The following CYFIP2 variants were observed in gnomAD, a reference collection of about 807,000 sequenced individuals.
CYFIP2 encodes cytoplasmic FMR1-interacting protein 2.
Under a neutral mutation model 158.7 loss-of-function variants are expected in CYFIP2, and 29 were observed. The ratio of observed to expected loss-of-function variants is 0.18; its 90% CI spans 0.14 to 0.25. The LOEUF (loss-of-function observed/expected upper bound fraction) is 0.25. Among genes scored for constraint, CYFIP2 ranks in the 10% least tolerant of loss-of-function variants. The pLI is 1.00. For missense variants in CYFIP2, 852 were observed against 1,639.5 expected (o/e 0.52, Z 8.29); for synonymous variants, 585 against 617.6 (o/e 0.95, Z 0.78).
intron 23 of CYFIP2, among the ~76,000 whole-genome samples, chr5:157,346,003 C>G (rs1762661248): frequency 6.6e-6 from 1 of 152,216 alleles, no homozygotes; most frequent in African/African-American, 2.4e-5. Flanking sequence ...CAGTAATATT[C>G]ATCTTCATCC....
At chr5:157,363,428 A>T (rs910376847) in intron 26 of CYFIP2, 1 of 152,374 alleles carries the variant, frequency 6.6e-6, no homozygotes, top group African/African-American at 2.4e-5. Flanking sequence ...GGGAACGAGC[A>T]AAGTCGTAAC....
chr5:157,287,209 G>C (rs1580976424), intron 3 of CYFIP2, 101 bp downstream of exon 3: 1 of 863,906 alleles, frequency 1.2e-6, no homozygotes, highest in East Asian at 2.7e-5. Flanking sequence ...GCTACTCTAA[G>C]AACCCCCTGC....
At chr5:157,333,556 G>C in intron 21 of CYFIP2, 110 bp downstream of exon 21, 2 of 1,438,072 alleles carry the variant, frequency 1.4e-6, no homozygotes, top group African/African-American at 1.4e-5. Flanking sequence ...GGGGCAGTGA[G>C]TCTCTTTCCC....
chr5:157,377,999 TA>T (rs1765655270), intron 26 of CYFIP2, among the ~76,000 whole-genome samples: 1 of 152,200 alleles, frequency 6.6e-6, no homozygotes, highest in Non-Finnish European at 1.5e-5. Flanking sequence ...GGTAAGTTTT[TA>T]AAAAGCAAAG....
chr5:157,337,782 T>C (rs1435336097), intron 21 of CYFIP2, among the ~76,000 whole-genome samples: 1 of 152,276 alleles, frequency 6.6e-6, no homozygotes, highest in Non-Finnish European at 1.5e-5. Context: ...GCCTTGCCGA[T>C]GTTCTTTTAG....
intron 23 of CYFIP2, chr5:157,343,597 A>G: frequency 2.2e-6 from 3 of 1,346,496 alleles, no homozygotes; most frequent in Middle Eastern, 1.9e-4. Flanking sequence ...GTATGTATTT[A>G]TCATAATCAT....
chr5:157,351,949 C>T (rs1763101159), intron 23 of CYFIP2, among the ~76,000 whole-genome samples: 1 of 152,132 alleles, frequency 6.6e-6, no homozygotes, highest in Non-Finnish European at 1.5e-5. Context: ...TGAACAGGCC[C>T]TACTCTGGAG....
At chr5:157,316,961 G>A (rs1484607116) in intron 13 of CYFIP2, among the ~76,000 whole-genome samples, 1 of 151,998 alleles carries the variant, frequency 6.6e-6, no homozygotes, top group African/African-American at 2.4e-5. Context: ...TATTACTAAT[G>A]GGCAACCTGG....
intron 6 of CYFIP2, among the ~76,000 whole-genome samples, chr5:157,301,894 T>C (rs1370006833): frequency 6.6e-6 from 1 of 152,174 alleles, no homozygotes; most frequent in Non-Finnish European, 1.5e-5. Flanking sequence ...CCTCCTTGAA[T>C]GACATCTTCC....
chr5:157,311,582 TGAGCACCAG>T lies in CYFIP2; in HGVS notation c.993-76_993-68del. 7.6e-7 allele frequency: 1 copy of T among 1,310,782 alleles called. No individual in the cohort carries two copies. The allele number at this position is 1,310,782 out of a possible 1,614,324, so 81.2% of individuals were successfully genotyped here. A position where few individuals can be genotyped will look rare whatever the true frequency, so the allele number is the denominator to read the frequency against. ...ACCCAGGGGAGTTGGCCACGTGGGC[TGAGCACCAG>T]GAGCAGCTAATGCCTGTTCCACCCA... On this transcript the variant is annotated intron_variant, in intron 10 of 30. Coordinates refer to ENST00000620254, the MANE Select transcript of CYFIP2 (RefSeq NM_001037333.3). The surrounding 1 kb of genome is among the most constrained non-coding windows in gnomAD (Gnocchi z 4.7).
intron 22 of CYFIP2, among the ~76,000 whole-genome samples, chr5:157,339,759 G>A (rs1762111043): frequency 6.6e-6 from 1 of 152,216 alleles, no homozygotes; most frequent in Non-Finnish European, 1.5e-5. Context: ...TAATGCTGGA[G>A]TTAAGATGCA....
intron 3 of CYFIP2, among the ~76,000 whole-genome samples, chr5:157,290,584 A>G (rs1028008374): frequency 1.1e-4 from 17 of 152,178 alleles, no homozygotes; most frequent in Admixed American, 9.8e-4. Flanking sequence ...GAAGGAACAT[A>G]TTCACAGGCA....
In CYFIP2 at chr5:157,333,406, C is replaced by A; in HGVS notation, c.2345C>A (p.Ala782Asp). Residue 782 changes from alanine (A) to aspartate (D), a missense_variant, in exon 21 of 31, where the codon GCT becomes GAT. Physicochemically the swap from Ala to Asp is moderately radical, Grantham distance 126. This residue lies in a region of CYFIP2 where 191 missense variants were observed against 311.2 expected (regional missense o/e 0.61). Coordinates refer to ENST00000620254, the MANE Select transcript of CYFIP2 (RefSeq NM_001037333.3). ...SAAMYKSLDQ[A>D]ISRFESEDLT... ...GCCATGTATAAATCCTTGGACCAAG[C>A]TATCAGCCGCTTTGAGAGTGAGGAC... is the stretch of plus-strand genomic sequence containing the variant. 1 of 1,614,000 alleles carries A rather than the reference C, an allele frequency of 6.2e-7. No individual in the cohort carries two copies. The highest frequency in any genetic ancestry group is 8.5e-7 in the Non-Finnish European group (1 of 1,179,882).
rs181990600 is a variant in CYFIP2 at position 157,390,930 on chromosome 5, G to A, written c.3594+262G>A. On this transcript the variant is annotated intron_variant, in intron 30 of 30. Coordinates refer to ENST00000620254, the MANE Select transcript of CYFIP2 (RefSeq NM_001037333.3). Reference sequence around the variant, plus strand: ...GAGCACATCTTCCCTGTCCCAATCAGACTCTGCTGATGCCAGTTTCTCACC... The same window carrying A: ...GAGCACATCTTCCCTGTCCCAATCAAACTCTGCTGATGCCAGTTTCTCACC... Among the ~76,000 whole-genome samples, 22 of 152,310 alleles carry A rather than the reference G, an allele frequency of 1.4e-4. No homozygotes were observed. The East Asian group carries it at 3.3e-3, about 23-fold the overall frequency.
Position 157,304,279 on chromosome 5 carries a change from G to A in CYFIP2, c.708G>A (p.Glu236=). The A allele has an allele frequency of 6.2e-7, 1 of 1,613,748 alleles. No individual in the cohort carries two copies. Among genetic ancestry groups the A allele is most frequent in the Non-Finnish European group, 8.5e-7 (1 of 1,179,898 alleles). ...QQLEVIPGYE[E]LLADIVNICV... is the part of the protein sequence containing the mutation. ...TTGAAGTGATCCCAGGCTATGAGGA[G>A]CTGCTGGCTGACATTGTCAACATCT... The change falls in exon 8 of 31, where the codon GAG becomes GAA. Residue 236 remains glutamate (E), a synonymous_variant. Transcript: ENST00000620254.
intron 1 of CYFIP2, among the ~76,000 whole-genome samples, chr5:157,275,794 CTTTT>C (rs1465454149): frequency 6.6e-6 from 1 of 152,106 alleles, no homozygotes; most frequent in Non-Finnish European, 1.5e-5. Flanking sequence ...CATGGGATAT[CTTTT>C]TATTTATTTA....
In CYFIP2 at chr5:157,358,024, G is replaced by A. The variant is rs115423528; in HGVS notation, c.2674-981G>A. Among the ~76,000 whole-genome samples the A allele has an allele frequency of 4.5e-3, 686 of 152,242 alleles. 7 individuals carry two copies. The highest frequency in any genetic ancestry group is 0.015 in the African/African-American group (642 of 41,536). On this transcript the variant is annotated intron_variant, in intron 23 of 30. Transcript: ENST00000620254. The stretch of plus-strand genomic sequence containing the variant: ...GCCTCAGTTCCCTCATCTGTGAAAT[G>A]GGGCTAATAATGATATAGATCACAT...
chr5:157,362,073 G>GGGCA (rs1327379552), intron 26 of CYFIP2, among the ~76,000 whole-genome samples: 2 of 152,196 alleles, frequency 1.3e-5, no homozygotes, highest in African/African-American at 4.8e-5. Flanking sequence ...TAGCCCAAAG[G>GGGCA]GGCAGGCTAT....
chr5:157,267,230 A>T (rs999227501), intron 1 of CYFIP2, among the ~76,000 whole-genome samples: 4 of 152,196 alleles, frequency 2.6e-5, no homozygotes, highest in African/African-American at 9.7e-5. Context: ...TGGGACAAGG[A>T]TCTTTTTCTG....
Sources: allele counts gnomAD v4.1 joint callset (sites outside exome capture counted in the v4.1 genomes callset), GRCh38; gene constraint gnomAD v4.1.1; regional missense constraint gnomAD v4.1.1; non-coding constraint Gnocchi (gnomAD v3.1); transcripts MANE v1.5; gene names NCBI Gene and HGNC (gene_info 2026-07-23, HGNC 2026-07-21).